SNX4: variants seen among roughly 807,000 people sequenced by gnomAD.
The protein encoded by SNX4 is sorting nexin 4.
SNX4 carries 49 observed loss-of-function variants against 70.8 expected under a neutral mutation model. That is an observed-to-expected ratio of 0.69 (90% CI 0.55 to 0.88). SNX4 has a LOEUF of 0.88. Among genes scored for constraint, SNX4 ranks in the 40% least tolerant of loss-of-function variants. The pLI, the probability that SNX4 is intolerant of heterozygous loss-of-function variation, is 0.00. For missense variants in SNX4, 528 were observed against 544.8 expected, an observed-to-expected ratio of 0.97 and a Z score of 0.31; for synonymous variants, 206 against 183.8, an observed-to-expected ratio of 1.12 and a Z score of -0.98.
At chr3:125,501,095 T>C (rs1017646278) in intron 2 of SNX4, among the ~76,000 whole-genome samples, 4 of 152,108 alleles carry the variant, frequency 2.6e-5, no homozygotes, top group African/African-American at 9.7e-5. Flanking sequence ...GAAACAATAC[T>C]ACATAATTAA....
chr3:125,503,989 G>T (rs1334068462), intron 2 of SNX4, among the ~76,000 whole-genome samples: 1 of 152,056 alleles, frequency 6.6e-6, no homozygotes, highest in Non-Finnish European at 1.5e-5. Flanking sequence ...TTGAGCCCAG[G>T]AGTTTGAGAC....
intron 8 of SNX4, among the ~76,000 whole-genome samples, chr3:125,475,727 A>C (rs1934275960): frequency 6.6e-6 from 1 of 152,214 alleles, no homozygotes; most frequent in East Asian, 1.9e-4. Flanking sequence ...CTGTAATCCT[A>C]GCACTATGGG....
intron 1 of SNX4, among the ~76,000 whole-genome samples, chr3:125,505,515 C>G (rs1383589288): frequency 6.6e-6 from 1 of 152,210 alleles, no homozygotes. Flanking sequence ...CTACCTATCC[C>G]TTAGTGCCTA....
At chr3:125,447,919 T>A (rs1933467536) in intron 13 of SNX4, 93 bp from the exon 14 acceptor site, 4 of 745,088 alleles carry the variant, frequency 5.4e-6, no homozygotes, top group Non-Finnish European at 6.6e-6. Context: ...TTTTGCTTTT[T>A]GGAATAATTA....
At chr3:125,511,685 C>CT (rs943995495) in intron 1 of SNX4, among the ~76,000 whole-genome samples, 9 of 151,530 alleles carry the variant, frequency 5.9e-5, no homozygotes, top group South Asian at 2.1e-4. Context: ...TATGCTATGG[C>CT]TTTTTTTTTC....
Position 125,480,307 on chromosome 3 carries a change from G to A in SNX4, c.666C>T (p.Asp222=). ...GCAGTTCATCACTATAGTGCTTAAG[G>A]TCAGTAAATCTCCTGAAACAGGAAA... is the stretch of plus-strand genomic sequence containing the variant. ...RVKNPDKRFT[D]LKHYSDELQS... The change falls in exon 7 of 14, where the codon GAC becomes GAT. Residue 222 remains aspartate (D), a synonymous_variant. Coordinates refer to ENST00000251775, the MANE Select transcript of SNX4 (RefSeq NM_003794.4). 6.5e-7 allele frequency: 1 copy of A among 1,528,910 alleles called. No individual in the cohort carries two copies. The highest frequency in any genetic ancestry group is 8.8e-7 in the Non-Finnish European group (1 of 1,131,628). 94.7% of individuals were successfully genotyped at this position (1,528,910 alleles called of 1,614,324 possible).
Position 125,520,019 on chromosome 3 carries a change from C to G in SNX4, c.141+13G>C. The G allele has an allele frequency of 6.4e-7, 1 of 1,553,988 alleles. No homozygotes were observed. Among genetic ancestry groups the G allele is most frequent in the African/African-American group, 1.4e-5 (1 of 69,662 alleles). ...ACACAGGCCATGAGGGCTCTGCCGC[C>G]CCTTCTCCTCACCGTGTCGACCCCA... On this transcript the variant is annotated intron_variant, in intron 1 of 13. Transcript: ENST00000251775.
chr3:125,504,807 C>T (rs1935012202), intron 1 of SNX4, 63 bp from the exon 2 acceptor site: 1 of 1,542,984 alleles, frequency 6.5e-7, no homozygotes, highest in Admixed American at 2.0e-5. Context: ...CTGAAAAAAG[C>T]CTCAGCTATA....
chr3:125,502,533 TAAAGCCTATGAAAA>T (rs1934951869), intron 2 of SNX4, among the ~76,000 whole-genome samples: 1 of 152,046 alleles, frequency 6.6e-6, no homozygotes, highest in African/African-American at 2.4e-5. Flanking sequence ...AGCTCACAGG[TAAAGCCTATGAAAA>T]TGGTAGGTTA....
intron 12 of SNX4, among the ~76,000 whole-genome samples, chr3:125,453,154 G>A (rs1282019223): frequency 6.6e-6 from 1 of 152,182 alleles, no homozygotes; most frequent in Non-Finnish European, 1.5e-5. Context: ...AAGGCACTGG[G>A]ATGTGAATGT....
intron 7 of SNX4, among the ~76,000 whole-genome samples, chr3:125,478,865 C>G (rs1465950026): frequency 6.6e-6 from 1 of 152,130 alleles, no homozygotes; most frequent in Non-Finnish European, 1.5e-5. Flanking sequence ...TCTAGGCAAC[C>G]AAAGGTCCAC....
Position 125,464,410 on chromosome 3 carries a change from T to C in SNX4, c.855-3550A>G, listed in dbSNP as rs528101768. On this transcript the variant is annotated intron_variant, in intron 9 of 13. Transcript: ENST00000251775. ...TTTACAATTATGTGTATGAGCCGAA[T>C]TGAATTAGTTTTGTGTCAAGTGTAA... Among the ~76,000 whole-genome samples, 11 of 152,186 alleles carry C rather than the reference T, an allele frequency of 7.2e-5. No individual in the cohort carries two copies. The East Asian group carries it at 1.9e-3, about 27-fold the overall frequency.
intron 10 of SNX4, among the ~76,000 whole-genome samples, chr3:125,458,521 A>T (rs1933783215): frequency 6.6e-6 from 1 of 152,168 alleles, no homozygotes; most frequent in South Asian, 2.1e-4. Context: ...GTTCACTGTA[A>T]AAAGAAAAGA....
intron 1 of SNX4, among the ~76,000 whole-genome samples, chr3:125,506,833 A>G (rs1271172819): frequency 3.7e-5 from 5 of 134,992 alleles, no homozygotes; most frequent in African/African-American, 1.3e-4. Context: ...AAAAAAAAAA[A>G]AAAAAAAAAA....
chr3:125,458,717 A>G (rs984255264), intron 10 of SNX4, among the ~76,000 whole-genome samples: 18 of 144,814 alleles, frequency 1.2e-4, no homozygotes, highest in African/African-American at 3.8e-4. Context: ...GGGAGGCTGA[A>G]GCAGGAGAAT....
At chr3:125,462,932 G>A (rs1218284505) in intron 9 of SNX4, among the ~76,000 whole-genome samples, 1 of 152,206 alleles carries the variant, frequency 6.6e-6, no homozygotes, top group African/African-American at 2.4e-5. Context: ...CTCATAGGCA[G>A]TACACCTAGA....
intron 10 of SNX4, among the ~76,000 whole-genome samples, chr3:125,458,838 A>G (rs1389056646): frequency 1.8e-5 from 2 of 111,020 alleles, no homozygotes; most frequent in Admixed American, 9.1e-5. Context: ...AAAAAAAAAA[A>G]AAAAAAAGAA....
At chr3:125,495,275 T>TAC (rs58981797) in intron 5 of SNX4, among the ~76,000 whole-genome samples, 2,604 of 83,048 alleles carry the variant, frequency 0.031, 259 homozygotes, top group African/African-American at 0.082. Flanking sequence ...TATATATATA[T>TAC]ATACACATAC....
intron 8 of SNX4, 85 bp downstream of exon 8, chr3:125,476,610 C>A (rs1934294654): frequency 2.4e-6 from 2 of 830,516 alleles, no homozygotes; most frequent in African/African-American, 3.5e-5. Flanking sequence ...ATCTTCTCTC[C>A]ACACTCATAA....
Sources: gnomAD v4.1 joint callset for allele counts (sites outside exome capture counted in the v4.1 genomes callset) on GRCh38, gnomAD v4.1.1 for gene constraint, MANE v1.5 for transcripts, NCBI Gene and HGNC (gene_info 2026-07-23, HGNC 2026-07-21) for gene names.